Variants in HCN1 observed in about 807,000 individuals in gnomAD.
The protein encoded by HCN1 is potassium/sodium hyperpolarization-activated cyclic nucleotide-gated channel 1.
HCN1 carries 13 observed loss-of-function variants against 78.9 expected under a neutral mutation model. That is an observed-to-expected ratio of 0.16 (90% CI 0.11 to 0.26). The LOEUF is 0.26. HCN1 is among the 10% of genes least tolerant of loss of function. The pLI, the probability that HCN1 is intolerant of heterozygous loss-of-function variation, is 1.00. For missense variants in HCN1, 810 were observed against 1,154.3 expected, an observed-to-expected ratio of 0.70 and a Z score of 4.32; for synonymous variants, 552 against 455.5, an observed-to-expected ratio of 1.21 and a Z score of -2.70.
At chr5:45,560,580 A>G (rs1218147471) in intron 2 of HCN1, among the ~76,000 whole-genome samples, 2 of 152,010 alleles carry the variant, frequency 1.3e-5, no homozygotes, top group South Asian at 2.1e-4. Flanking sequence ...TGATACATTG[A>G]CCAAAAAGTT....
intron 3 of HCN1, among the ~76,000 whole-genome samples, chr5:45,402,813 CTCCT>C (rs71000635): frequency 0.11 from 10,701 of 98,284 alleles, 570 homozygotes; most frequent in African/African-American, 0.15. Flanking sequence ...CCTTTCTTTC[CTCCT>C]TCCTTCCTTC....
rs1746946173 is a variant in HCN1 at position 45,353,142 on chromosome 5, A to G, written c.1335T>C (p.Asp445=). Residue 445 remains aspartate, a synonymous_variant, in exon 5 of 8, where the codon GAT becomes GAC. Transcript: ENST00000303230. The part of the protein sequence containing the change: ...YEHRYQGKIF[D]EENILNELND... ...TGAGTTCATTGAGAATATTTTCCTC[A>G]TCAAAGATTTTGCCTTGGTATCTGT... The G allele has an allele frequency of 6.2e-7, 1 of 1,611,992 alleles. No individual in the cohort carries two copies. Among genetic ancestry groups the G allele is most frequent in the Admixed American group, 1.7e-5 (1 of 59,852 alleles).
chr5:45,282,683 C>T (rs1745192058), intron 6 of HCN1, among the ~76,000 whole-genome samples: 1 of 152,150 alleles, frequency 6.6e-6, no homozygotes, highest in Non-Finnish European at 1.5e-5. Context: ...TTCAATTCAG[C>T]AAGCATCTAC....
chr5:45,636,576 A>G lies in HCN1; in HGVS notation c.849+8609T>C, dbSNP rs1234665056. On this transcript the variant is annotated intron_variant, in intron 2 of 7. Transcript: ENST00000303230. ...GTAATGCATAATAAGGGTCAGGCACACTGGCTCGTGCTTGTAATTGAAGTG... is the reference window on the plus strand; with the variant it reads ...GTAATGCATAATAAGGGTCAGGCACGCTGGCTCGTGCTTGTAATTGAAGTG... Among the ~76,000 whole-genome samples, 5 of 152,132 alleles carry G rather than the reference A, an allele frequency of 3.3e-5. No individual in the cohort carries two copies. The East Asian group carries it at 9.6e-4, about 29-fold the overall frequency.
chr5:45,574,116 T>C (rs986661089), intron 2 of HCN1, among the ~76,000 whole-genome samples: 6 of 152,234 alleles, frequency 3.9e-5, no homozygotes, highest in African/African-American at 1.4e-4. Context: ...CATGATGCTA[T>C]ATAGCTATTA....
intron 5 of HCN1, among the ~76,000 whole-genome samples, chr5:45,344,658 C>T (rs1473602805): frequency 6.6e-6 from 1 of 152,164 alleles, no homozygotes; most frequent in Non-Finnish European, 1.5e-5. Flanking sequence ...CTTAAAGCTC[C>T]AAAATGACCT....
intron 5 of HCN1, among the ~76,000 whole-genome samples, chr5:45,331,334 T>C (rs1746340476): frequency 6.6e-6 from 1 of 151,252 alleles, no homozygotes; most frequent in Non-Finnish European, 1.5e-5. Flanking sequence ...CACAGCTTCC[T>C]AGGGAACAGA....
chr5:45,489,533 A>T (rs1032382648), intron 2 of HCN1, among the ~76,000 whole-genome samples: 1 of 152,136 alleles, frequency 6.6e-6, no homozygotes, highest in Non-Finnish European at 1.5e-5. Flanking sequence ...CATCTCCCAC[A>T]CTCTAATTCA....
chr5:45,347,051 C>A (rs571553732), intron 5 of HCN1, among the ~76,000 whole-genome samples: 2 of 152,342 alleles, frequency 1.3e-5, no homozygotes, highest in South Asian at 4.1e-4. Flanking sequence ...TGAGAACAGG[C>A]AGACTGCCTC....
At chr5:45,419,509 C>G (rs1277535273) in intron 3 of HCN1, among the ~76,000 whole-genome samples, 2 of 152,148 alleles carry the variant, frequency 1.3e-5, no homozygotes, top group Non-Finnish European at 2.9e-5. Context: ...GTTTCTGTTA[C>G]CTAAGAATGA....
intron 4 of HCN1, among the ~76,000 whole-genome samples, chr5:45,358,418 A>G (rs1401176920): frequency 1.3e-5 from 2 of 152,076 alleles, no homozygotes; most frequent in Non-Finnish European, 2.9e-5. Context: ...TCCTTAAGAC[A>G]TCACCAAATT....
At chr5:45,410,388 T>C (rs565553755) in intron 3 of HCN1, among the ~76,000 whole-genome samples, 3 of 152,150 alleles carry the variant, frequency 2.0e-5, no homozygotes, top group African/African-American at 4.8e-5. Context: ...AATATTTCCA[T>C]AGAGTTATCT....
intron 2 of HCN1, among the ~76,000 whole-genome samples, chr5:45,462,524 A>T (rs1741183515): frequency 6.6e-6 from 1 of 152,112 alleles, no homozygotes; most frequent in Admixed American, 6.6e-5. Context: ...GAGTGGAGAT[A>T]TTTAATTGTG....
At chr5:45,527,962 C>A (rs1579951017) in intron 2 of HCN1, among the ~76,000 whole-genome samples, 1 of 148,968 alleles carries the variant, frequency 6.7e-6, no homozygotes. Context: ...CAAAAATACT[C>A]TATAGTCCTA....
At chr5:45,447,212 CAA>C (rs1234383496) in intron 3 of HCN1, among the ~76,000 whole-genome samples, 1 of 151,814 alleles carries the variant, frequency 6.6e-6, no homozygotes. Context: ...AAATGGAAAA[CAA>C]AAAAAGGCAG....
rs1035706892 is a variant in HCN1 at position 45,326,934 on chromosome 5, C to A, written c.1378-23095G>T. On this transcript the variant is annotated intron_variant, in intron 5 of 7. Coordinates refer to ENST00000303230, the MANE Select transcript of HCN1 (RefSeq NM_021072.4). ...GAATGACAGCAGATAATGCAAAACT[C>A]TCTTAGTGTTCACTTCCATTTGATT... Among the ~76,000 whole-genome samples, 5 of 151,538 alleles carry A rather than the reference C, an allele frequency of 3.3e-5. No homozygotes were observed. The Admixed American group carries it at 3.3e-4, about 10-fold the overall frequency.
intron 2 of HCN1, among the ~76,000 whole-genome samples, chr5:45,527,093 G>GACAT (rs2111794296): frequency 7.6e-6 from 1 of 131,948 alleles, no homozygotes; most frequent in East Asian, 2.5e-4. Context: ...CACACACACT[G>GACAT]ACATTCACAT....
intron 4 of HCN1, among the ~76,000 whole-genome samples, chr5:45,369,286 C>G (rs1410042045): frequency 2.0e-5 from 3 of 152,002 alleles, no homozygotes; most frequent in Non-Finnish European, 4.4e-5. Context: ...TTGTGATAGC[C>G]TTCTAATTGG....
intron 6 of HCN1, among the ~76,000 whole-genome samples, chr5:45,289,923 G>A (rs1385739414): frequency 1.3e-5 from 2 of 151,920 alleles, no homozygotes; most frequent in African/African-American, 4.8e-5. Flanking sequence ...AAAGAAGCTG[G>A]CTGGTTCTCT....
Sources: gnomAD v4.1 joint callset for allele counts (sites outside exome capture counted in the v4.1 genomes callset) on GRCh38, gnomAD v4.1.1 for gene constraint, MANE v1.5 for transcripts, NCBI Gene and HGNC (gene_info 2026-07-23, HGNC 2026-07-21) for gene names.